The following NAA15 variants were observed in gnomAD, a reference collection of about 807,000 sequenced individuals.
NAA15 encodes N-terminal acetyltransferase.
Under a neutral mutation model 114.0 loss-of-function variants are expected in NAA15, and 34 were observed. The observed-to-expected ratio is 0.30, with a 90% CI of 0.23 to 0.40. NAA15 has a LOEUF of 0.40. Ranked by LOEUF, NAA15 falls within the 10% of genes least tolerant of loss-of-function variation. The pLI is 1.00. For synonymous variants in NAA15, 340 were observed against 338.0 expected, an observed-to-expected ratio of 1.01 and a Z score of -0.06; for missense variants, 658 against 1,004.5, an observed-to-expected ratio of 0.66 and a Z score of 4.66.
intron 1 of NAA15, among the ~76,000 whole-genome samples, chr4:139,327,131 C>T (rs932542372): frequency 6.6e-6 from 1 of 152,070 alleles, no homozygotes; most frequent in Non-Finnish European, 1.5e-5. Flanking sequence ...GAGACAAGGT[C>T]TCACTATGTT....
intron 13 of NAA15, 24 bp from the exon 14 acceptor site, chr4:139,361,700 A>G: frequency 7.0e-7 from 1 of 1,438,554 alleles, no homozygotes; most frequent in East Asian, 2.4e-5. Flanking sequence ...CTTCGGTATA[A>G]TAATAAAAAG....
chr4:139,364,549 T>A (rs1477208601), intron 14 of NAA15, among the ~76,000 whole-genome samples: 6 of 152,198 alleles, frequency 3.9e-5, no homozygotes, highest in Non-Finnish European at 8.8e-5. Flanking sequence ...CTCGCTGATT[T>A]CAAATGCTAC....
chr4:139,341,644 C>T (rs1429898468), intron 4 of NAA15, among the ~76,000 whole-genome samples: 1 of 108,468 alleles, frequency 9.2e-6, no homozygotes, highest in Non-Finnish European at 2.0e-5. Flanking sequence ...CTCAAATAAA[C>T]AATGCCTTTG....
Position 139,387,941 on chromosome 4 carries a change from G to A in NAA15, c.2458G>A (p.Ala820Thr), listed in dbSNP as rs1748952877. The part of the protein sequence containing the change: ...YDGSLGDCKE[A>T]AEIYRANCHK... Reference sequence around the variant, plus strand: ...TGGTAGCCTAGGAGACTGTAAAGAAGCTGCTGAAATTTATAGAGCAAATTG... The same window carrying A: ...TGGTAGCCTAGGAGACTGTAAAGAAACTGCTGAAATTTATAGAGCAAATTG... Residue 820 changes from alanine to threonine, a missense_variant, in exon 20 of 20, where the codon GCT (alanine) becomes ACT (threonine). Ala to Thr is a moderately conservative substitution (Grantham distance 58). Around this residue, in one of 6 missense-constraint regions of NAA15, gnomAD observed 275 missense variants for 371.1 expected, o/e 0.74. Transcript: ENST00000296543. The A allele has an allele frequency of 6.2e-7, 1 of 1,614,014 alleles. No individual in the cohort carries two copies. The highest frequency in any genetic ancestry group is 8.5e-7 in the Non-Finnish European group (1 of 1,179,948).
chr4:139,341,721 A>AT (rs1747402304), intron 4 of NAA15, among the ~76,000 whole-genome samples: 16 of 150,604 alleles, frequency 1.1e-4, no homozygotes, highest in African/African-American at 2.2e-4. Context: ...ACAAAAAAAA[A>AT]ATTTTTTTTT....
In NAA15 at chr4:139,342,871, T is replaced by A; in HGVS notation, c.448T>A (p.Ser150Thr). 6.2e-7 allele frequency: 1 copy of A among 1,613,878 alleles called. No individual in the cohort carries two copies. The highest frequency in any genetic ancestry group is 8.5e-7 in the Non-Finnish European group (1 of 1,179,808). The change falls in exon 5 of 20, where the codon TCA (serine) becomes ACA (threonine). Residue 150 changes from serine (S) to threonine (T), a missense_variant. By Grantham distance (58) the Ser-to-Thr change is moderately conservative (BLOSUM62 1). This residue lies in a region of NAA15 where 75 missense variants were observed against 172.3 expected (regional missense o/e 0.44). Transcript: ENST00000296543. ...TCAGCTTCGACCTGCGCAGAGAGCA[T>A]CATGGATTGGTTATGCTATTGCTTA... ...LLQLRPAQRASWIGYAIAYHL... is the reference protein window; with the variant it reads ...LLQLRPAQRATWIGYAIAYHL...
At chr4:139,354,168 A>G (rs1747868783) in intron 10 of NAA15, 70 bp downstream of exon 10, 1 of 1,292,178 alleles carries the variant, frequency 7.7e-7, no homozygotes, top group African/African-American at 1.5e-5. Context: ...TCTTAATCAG[A>G]AGGTCAGTAT....
At chr4:139,343,388 C>T (rs920690309) in intron 5 of NAA15, among the ~76,000 whole-genome samples, 4 of 152,150 alleles carry the variant, frequency 2.6e-5, no homozygotes, top group African/African-American at 9.7e-5. Flanking sequence ...TACTAATTGT[C>T]CTAGTTATAG....
intron 1 of NAA15, 144 bp from the exon 2 acceptor site, chr4:139,334,026 TTGTA>T: frequency 1.7e-6 from 1 of 575,100 alleles, no homozygotes; most frequent in Non-Finnish European, 3.1e-6. Context: ...TTTGAACCTT[TTGTA>T]TTTTTTATTG....
At chr4:139,356,224 C>G (rs770204367) in intron 10 of NAA15, among the ~76,000 whole-genome samples, 2 of 152,080 alleles carry the variant, frequency 1.3e-5, no homozygotes, top group Admixed American at 1.3e-4. Flanking sequence ...CTCAAATGGT[C>G]CCATTCTTTA....
At chr4:139,338,630 T>C (rs1747277732) in intron 3 of NAA15, among the ~76,000 whole-genome samples, 1 of 152,188 alleles carries the variant, frequency 6.6e-6, no homozygotes, top group Non-Finnish European at 1.5e-5. Flanking sequence ...GTATTTTTAG[T>C]AGAGACAGGG....
At chr4:139,329,747 C>G (rs1237380030) in intron 1 of NAA15, among the ~76,000 whole-genome samples, 1 of 152,200 alleles carries the variant, frequency 6.6e-6, no homozygotes, top group Non-Finnish European at 1.5e-5. Context: ...TAGTACTCAA[C>G]AGTTTTCAAC....
intron 1 of NAA15, among the ~76,000 whole-genome samples, chr4:139,303,149 G>GA (rs1443816843): frequency 1.3e-5 from 2 of 152,196 alleles, no homozygotes; most frequent in Non-Finnish European, 2.9e-5. Context: ...AAAAACATTA[G>GA]AAAGTCACAT....
chr4:139,327,832 A>G (rs1244576206), intron 1 of NAA15, among the ~76,000 whole-genome samples: 1 of 150,934 alleles, frequency 6.6e-6, no homozygotes, highest in Admixed American at 6.6e-5. Context: ...CACCCCGCTA[A>G]TTTTGTATTT....
intron 2 of NAA15, among the ~76,000 whole-genome samples, chr4:139,334,850 T>G (rs1015406319): frequency 9.2e-5 from 14 of 152,208 alleles, no homozygotes; most frequent in African/African-American, 3.4e-4. Context: ...CAGTAACTAT[T>G]GATAATGCAC....
intron 1 of NAA15, among the ~76,000 whole-genome samples, chr4:139,330,818 C>A (rs1746975622): frequency 6.6e-6 from 1 of 152,122 alleles, no homozygotes; most frequent in African/African-American, 2.4e-5. Flanking sequence ...CTCAAAGCAA[C>A]AACAAAGTGG....
chr4:139,328,341 G>A (rs1746876689), intron 1 of NAA15, among the ~76,000 whole-genome samples: 1 of 151,966 alleles, frequency 6.6e-6, no homozygotes, highest in African/African-American at 2.4e-5. Context: ...CAAGTAGCTG[G>A]GATTACAGGT....
intron 4 of NAA15, among the ~76,000 whole-genome samples, chr4:139,341,467 T>G (rs554634710): frequency 2.0e-5 from 3 of 150,840 alleles, no homozygotes; most frequent in Admixed American, 2.0e-4. Flanking sequence ...TGGTGGCAGG[T>G]GCCTGTAGTC....
intron 1 of NAA15, among the ~76,000 whole-genome samples, chr4:139,332,646 G>T (rs553951726): frequency 2.2e-5 from 3 of 136,006 alleles, no homozygotes; most frequent in Non-Finnish European, 4.6e-5. Context: ...GTGGTGGTGC[G>T]ATCTCTGCTC....
Sources: gnomAD v4.1 joint callset for allele counts (sites outside exome capture counted in the v4.1 genomes callset) on GRCh38, gnomAD v4.1.1 for gene constraint, gnomAD v4.1.1 regional missense constraint, MANE v1.5 for transcripts, NCBI Gene and HGNC (gene_info 2026-07-23, HGNC 2026-07-21) for gene names.